The following FRMD4B variants were observed in gnomAD, a reference collection of about 807,000 sequenced individuals.
FRMD4B encodes the protein FERM domain-containing protein 4B.
In FRMD4B, 74 loss-of-function variants were observed where a neutral mutation model predicts 141.5. The observed-to-expected ratio is 0.52, with a 90% CI of 0.43 to 0.63. The LOEUF (loss-of-function observed/expected upper bound fraction) is 0.63. FRMD4B is among the 30% of genes least tolerant of loss of function. FRMD4B has a pLI of 0.00. For synonymous variants in FRMD4B, 506 were observed against 467.9 expected (o/e 1.08, Z -1.05); for missense variants, 1,366 against 1,253.4 (o/e 1.09, Z -1.36).
intron 18 of FRMD4B, among the ~76,000 whole-genome samples, chr3:69,189,206 G>C (rs556511234): frequency 3.6e-4 from 39 of 108,566 alleles, no homozygotes; most frequent in African/African-American, 1.3e-3. Flanking sequence ...TGGGCAACAA[G>C]AGCGAAACTC....
At chr3:69,523,126 A>G (rs1700878031) in intron 1 of FRMD4B, among the ~76,000 whole-genome samples, 1 of 151,986 alleles carries the variant, frequency 6.6e-6, no homozygotes, top group Admixed American at 6.6e-5. Context: ...AAGTGAAAAA[A>G]AAAAAAACAA....
intron 7 of FRMD4B, among the ~76,000 whole-genome samples, chr3:69,225,515 A>AAT (rs2093242535): frequency 8.1e-6 from 1 of 124,132 alleles, no homozygotes; most frequent in Non-Finnish European, 1.7e-5. Flanking sequence ...ATCTACTAAA[A>AAT]ATACAAAAAA....
rs149738219 is a variant in FRMD4B at position 69,472,747 on chromosome 3, C to T, written c.-128-39986G>A. 4.3e-3 allele frequency among the ~76,000 whole-genome samples: 660 copies of T among 152,074 alleles called. 4 individuals are homozygous for T. The highest frequency in any genetic ancestry group is 0.015 in the African/African-American group (630 of 41,510). On this transcript the variant is annotated intron_variant, in intron 1 of 5. Transcript: ENST00000459638. ...AGCTCTCCGCTGCAGAGAGGGGACC[C>T]GGAAGAGGGGTTGCCACCAGTCCAG...
chr3:69,253,062 G>A (rs906783066), intron 5 of FRMD4B, among the ~76,000 whole-genome samples: 2 of 152,032 alleles, frequency 1.3e-5, no homozygotes, highest in East Asian at 1.9e-4. Context: ...TGGCTTCTTG[G>A]CTCAGTTGAC....
At chr3:69,223,235 G>C (rs1029761756) in intron 8 of FRMD4B, among the ~76,000 whole-genome samples, 2 of 152,066 alleles carry the variant, frequency 1.3e-5, no homozygotes, top group Admixed American at 6.6e-5. Context: ...AACTATCAAG[G>C]CTGGGTGCAG....
chr3:69,264,439 A>C (rs1011110786), intron 5 of FRMD4B, among the ~76,000 whole-genome samples: 2 of 152,170 alleles, frequency 1.3e-5, no homozygotes, highest in Non-Finnish European at 2.9e-5. Flanking sequence ...CTTTTTAAAA[A>C]GGGAATGCTT....
chr3:69,199,884 T>G (rs1462517746), intron 11 of FRMD4B, among the ~76,000 whole-genome samples: 1 of 152,242 alleles, frequency 6.6e-6, no homozygotes, highest in Admixed American at 6.5e-5. Context: ...CTAAGCTCTT[T>G]ATAAGACATT....
intron 2 of FRMD4B, among the ~76,000 whole-genome samples, chr3:69,424,597 T>A (rs1005425389): frequency 6.6e-6 from 1 of 152,116 alleles, no homozygotes; most frequent in African/African-American, 2.4e-5. Context: ...AAACAGCCAA[T>A]AAATATACAA....
chr3:69,347,506 C>A (rs1381170734), intron 1 of FRMD4B, among the ~76,000 whole-genome samples: 3 of 152,202 alleles, frequency 2.0e-5, no homozygotes, highest in African/African-American at 7.2e-5. Context: ...CAGAACTCCC[C>A]AGCACAAATC....
intron 1 of FRMD4B, among the ~76,000 whole-genome samples, chr3:69,435,433 T>G (rs1355955726): frequency 6.6e-6 from 1 of 152,194 alleles, no homozygotes; most frequent in Non-Finnish European, 1.5e-5. Flanking sequence ...ATCACAAGAC[T>G]ATGCTTGCCA....
Position 69,265,726 on chromosome 3 carries a change from C to T in FRMD4B, c.502-15627G>A, listed in dbSNP as rs542904033. 2.0e-5 allele frequency among the ~76,000 whole-genome samples: 3 copies of T among 152,028 alleles called. No individual in the cohort carries two copies. In the South Asian group the frequency reaches 6.2e-4, roughly 32 times the overall value. On this transcript the variant is annotated intron_variant, in intron 5 of 22. Coordinates refer to ENST00000398540, the MANE Select transcript of FRMD4B (RefSeq NM_015123.3). ...CCTCCTAGAGTGCTGTGATTACAGG[C>T]GTGAGCCACAGCGCCTGGCCACATA... is the stretch of plus-strand genomic sequence containing the variant.
intron 1 of FRMD4B, among the ~76,000 whole-genome samples, chr3:69,361,802 T>C (rs568633873): frequency 1.4e-4 from 21 of 152,348 alleles, no homozygotes; most frequent in African/African-American, 2.9e-4. Context: ...TTATAAGCTA[T>C]GAATATTCTT....
chr3:69,450,554 A>T (rs2106886541), intron 1 of FRMD4B, among the ~76,000 whole-genome samples: 1 of 152,350 alleles, frequency 6.6e-6, no homozygotes, highest in East Asian at 1.9e-4. Flanking sequence ...GGAGTTCAAG[A>T]CGAGCCTGTC....
At chr3:69,187,974 A>T (rs2092788707) in intron 18 of FRMD4B, 57 bp from the exon 19 acceptor site, 1 of 934,658 alleles carries the variant, frequency 1.1e-6, no homozygotes, top group African/African-American at 1.7e-5. Context: ...TAGGTAAATA[A>T]ATATCTTGCC....
At chr3:69,387,398 T>C (rs756229036), upstream of FRMD4B, among the ~76,000 whole-genome samples, 5 of 152,192 alleles carry the variant, frequency 3.3e-5, no homozygotes, top group Non-Finnish European at 7.4e-5. Flanking sequence ...GTTACAGACA[T>C]GACCCATTGT....
At chr3:69,477,686 C>G (rs1411274829) in intron 1 of FRMD4B, among the ~76,000 whole-genome samples, 1 of 151,862 alleles carries the variant, frequency 6.6e-6, no homozygotes, top group Non-Finnish European at 1.5e-5. Flanking sequence ...ATGTCTCTGC[C>G]AGGCTTTGGT....
intron 5 of FRMD4B, among the ~76,000 whole-genome samples, chr3:69,258,527 T>A (rs1219113641): frequency 6.6e-6 from 1 of 152,352 alleles, no homozygotes; most frequent in Middle Eastern, 3.4e-3. Flanking sequence ...TTGCAGTTTT[T>A]TTTTCAATAT....
intron 5 of FRMD4B, among the ~76,000 whole-genome samples, chr3:69,258,804 A>G (rs1373359199): frequency 2.0e-5 from 3 of 152,228 alleles, no homozygotes; most frequent in South Asian, 2.1e-4. Flanking sequence ...ACTGGGACCT[A>G]TCTCCCCACT....
In FRMD4B at chr3:69,170,017, G is replaced by T. The variant is rs1248072884; in HGVS notation, c.*1844C>A. 4 of 152,110 alleles carry T rather than the reference G, an allele frequency of 2.6e-5. No individual in the cohort carries two copies. The highest frequency in any genetic ancestry group is 7.2e-5 in the African/African-American group (3 of 41,422). The allele number at this position is 152,110 out of a possible 1,614,324, so 9.4% of individuals were successfully genotyped here. On this transcript the variant is annotated 3_prime_UTR_variant, in exon 23 of 23. Coordinates refer to ENST00000398540, the MANE Select transcript of FRMD4B (RefSeq NM_015123.3). Reference sequence around the variant, plus strand: ...TCATCAATTCTAAGGCAACTTTATTGTAAGACACAGCATTATTTTTAATGT... The same window carrying T: ...TCATCAATTCTAAGGCAACTTTATTTTAAGACACAGCATTATTTTTAATGT...
Sources: allele counts gnomAD v4.1 joint callset (sites outside exome capture counted in the v4.1 genomes callset), GRCh38; gene constraint gnomAD v4.1.1; transcripts MANE v1.5; gene names NCBI Gene and HGNC (gene_info 2026-07-23, HGNC 2026-07-21).